Variants in FTO observed in about 807,000 individuals in gnomAD.
The protein encoded by FTO is alpha-ketoglutarate-dependent dioxygenase FTO.
Under a neutral mutation model 63.9 loss-of-function variants are expected in FTO, and 47 were observed. That is an observed-to-expected ratio of 0.74 (90% CI 0.58 to 0.94). The LOEUF is 0.94. Ranked by LOEUF, FTO falls within the 40% of genes least tolerant of loss-of-function variation. The pLI, the probability that FTO is intolerant of heterozygous loss-of-function variation, is 0.00. For synonymous variants in FTO, 207 were observed against 224.4 expected (o/e 0.92, Z 0.69); for missense variants, 562 against 618.1 (o/e 0.91, Z 0.96).
chr16:53,927,096 T>C (rs2082162660), intron 7 of FTO, among the ~76,000 whole-genome samples: 3 of 152,124 alleles, frequency 2.0e-5, no homozygotes, highest in Admixed American at 2.0e-4. Context: ...AAAAGATCAC[T>C]CTTGAAGCAG....
intron 8 of FTO, among the ~76,000 whole-genome samples, chr16:54,076,435 A>G (rs1171070219): frequency 7.9e-5 from 12 of 152,330 alleles, no homozygotes; most frequent in African/African-American, 2.9e-4. Flanking sequence ...TTTGAGTTCC[A>G]CAAAGCAAGT....
At chr16:53,771,680 C>T (rs947880606) in intron 1 of FTO, among the ~76,000 whole-genome samples, 1 of 152,030 alleles carries the variant, frequency 6.6e-6, no homozygotes, top group East Asian at 1.9e-4. Context: ...TTCACAGCAG[C>T]GTTATTCATG....
chr16:53,948,082 A>AT (rs2082691571), intron 8 of FTO, among the ~76,000 whole-genome samples: 1 of 152,220 alleles, frequency 6.6e-6, no homozygotes, highest in Admixed American at 6.5e-5. Context: ...TAAGAGAGCC[A>AT]TTCCCTTAGC....
chr16:53,990,182 A>G (rs950118025), intron 8 of FTO, among the ~76,000 whole-genome samples: 26 of 152,218 alleles, frequency 1.7e-4, no homozygotes, highest in Non-Finnish European at 3.7e-4. Flanking sequence ...AAGGTCACGT[A>G]TAGTGACCTC....
At chr16:53,855,603 T>C (rs1366390359) in intron 4 of FTO, among the ~76,000 whole-genome samples, 2 of 152,114 alleles carry the variant, frequency 1.3e-5, no homozygotes, top group Non-Finnish European at 2.9e-5. Flanking sequence ...GAAGTATTAA[T>C]TCTATCCTTG....
intron 1 of FTO, among the ~76,000 whole-genome samples, chr16:53,738,303 T>G (rs1567943264): frequency 1.3e-5 from 2 of 152,116 alleles, no homozygotes; most frequent in Admixed American, 6.5e-5. Flanking sequence ...ATTACAGACA[T>G]GAATTTCTTT....
intron 1 of FTO, among the ~76,000 whole-genome samples, chr16:53,707,359 G>A (rs1459793081): frequency 6.6e-6 from 1 of 152,144 alleles, no homozygotes; most frequent in Non-Finnish European, 1.5e-5. Flanking sequence ...TTAAAAGGAT[G>A]CCAGTCATTG....
At chr16:54,076,396 ATAT>A (rs1164213582) in intron 8 of FTO, among the ~76,000 whole-genome samples, 1 of 152,180 alleles carries the variant, frequency 6.6e-6, no homozygotes, top group Non-Finnish European at 1.5e-5. Context: ...CCCTAGAAAC[ATAT>A]AATAGCTATG....
chr16:54,012,296 G>C (rs1386248900), intron 8 of FTO, among the ~76,000 whole-genome samples: 1 of 152,218 alleles, frequency 6.6e-6, no homozygotes, highest in Non-Finnish European at 1.5e-5. Context: ...CTAATCCAGA[G>C]CAAAGCCCTA....
Position 54,048,945 on chromosome 16 carries a change from G to A in FTO, c.1365-62817G>A, listed in dbSNP as rs545425635. ...AATGTGCACTGATGACAAACTACAC[G>A]GTTGAAGGACCATGTAATTTCTCCA... On this transcript the variant is annotated intron_variant, in intron 8 of 8. Transcript: ENST00000471389. 5.3e-5 allele frequency among the ~76,000 whole-genome samples: 8 copies of A among 152,230 alleles called. No homozygotes were observed. In the East Asian group the frequency reaches 1.4e-3, roughly 26 times the overall value.
chr16:54,082,501 A>C (rs1169225687), intron 8 of FTO, among the ~76,000 whole-genome samples: 1 of 152,186 alleles, frequency 6.6e-6, no homozygotes, highest in Non-Finnish European at 1.5e-5. Context: ...TGTCCTTAAC[A>C]TTGTTTTCAT....
chr16:53,778,575 T>C (rs192244746), intron 1 of FTO, among the ~76,000 whole-genome samples: 1 of 152,180 alleles, frequency 6.6e-6, no homozygotes, highest in Non-Finnish European at 1.5e-5. Flanking sequence ...GCCAATCTAC[T>C]GCACTATGCC....
intron 1 of FTO, among the ~76,000 whole-genome samples, chr16:53,784,264 C>T (rs2077673938): frequency 6.6e-6 from 1 of 152,178 alleles, no homozygotes; most frequent in Non-Finnish European, 1.5e-5. Context: ...GTGAAAACTC[C>T]TTGAAATCAT....
At chr16:53,838,836 T>C (rs1286338538) in intron 3 of FTO, among the ~76,000 whole-genome samples, 1 of 151,900 alleles carries the variant, frequency 6.6e-6, no homozygotes, top group Admixed American at 6.6e-5. Context: ...GAGACTCTAG[T>C]CTCAAAAAGA....
intron 8 of FTO, among the ~76,000 whole-genome samples, chr16:54,086,725 GTC>G (rs1335115945): frequency 6.6e-6 from 1 of 152,170 alleles, no homozygotes; most frequent in Admixed American, 6.5e-5. Context: ...ATGATTTTCT[GTC>G]TCTCTTCAAT....
At chr16:54,068,256 T>C (rs1804820705) in intron 8 of FTO, among the ~76,000 whole-genome samples, 1 of 152,172 alleles carries the variant, frequency 6.6e-6, no homozygotes, top group Non-Finnish European at 1.5e-5. Context: ...TTTTCTTTTC[T>C]TTTTCTTTCA....
chr16:53,929,364 T>G (rs2143159309), intron 7 of FTO, among the ~76,000 whole-genome samples: 1 of 152,328 alleles, frequency 6.6e-6, no homozygotes, highest in South Asian at 2.1e-4. Context: ...ATGGCATACA[T>G]CAGTTGCTCA....
In FTO at chr16:54,021,780, G is replaced by A. The variant is rs533454051; in HGVS notation, c.1364+87671G>A. On this transcript the variant is annotated intron_variant, in intron 8 of 8. Coordinates refer to ENST00000471389, the MANE Select transcript of FTO (RefSeq NM_001080432.3). ...CAAGATTACAGGTGTGAGCCACCGC[G>A]CCTGGCTTGGGTGGTGTGATTCTTA... Among the ~76,000 whole-genome samples, 751 of 152,184 alleles carry A rather than the reference G, an allele frequency of 4.9e-3. 4 individuals carry two copies. Among genetic ancestry groups the A allele is most frequent in the Non-Finnish European group, 8.4e-3 (569 of 67,992 alleles).
At chr16:54,014,057 TTCTC>T (rs2084383541) in intron 8 of FTO, among the ~76,000 whole-genome samples, 5 of 152,222 alleles carry the variant, frequency 3.3e-5, no homozygotes. Context: ...TTTATATTCT[TTCTC>T]TCATGAGTAT....
Sources: allele counts gnomAD v4.1 joint callset (sites outside exome capture counted in the v4.1 genomes callset), GRCh38; gene constraint gnomAD v4.1.1; transcripts MANE v1.5; gene names NCBI Gene and HGNC (gene_info 2026-07-23, HGNC 2026-07-21).